The following CHCHD6 variants were observed in gnomAD, a reference collection of about 807,000 sequenced individuals.
CHCHD6 encodes the protein coiled-coil-helix-coiled-coil-helix domain containing 6.
Under a neutral mutation model 32.3 loss-of-function variants are expected in CHCHD6, and 28 were observed. The observed-to-expected ratio is 0.87, with a 90% CI of 0.64 to 1.19. The LOEUF is 1.19. Among genes scored for constraint, CHCHD6 ranks in the 50% most tolerant of loss-of-function variants. CHCHD6 has a pLI of 0.00. For synonymous variants in CHCHD6, 122 were observed against 117.5 expected (o/e 1.04, Z -0.25); for missense variants, 333 against 307.0 (o/e 1.08, Z -0.63).
chr3:126,722,006 T>C (rs1231816377), intron 1 of CHCHD6, among the ~76,000 whole-genome samples: 1 of 152,236 alleles, frequency 6.6e-6, no homozygotes, highest in Admixed American at 6.5e-5. Context: ...TGATGAACAT[T>C]TGGGTCCTTT....
rs117681236 is a variant in CHCHD6 at position 126,869,883 on chromosome 3, G to A, written c.495+17153G>A. On this transcript the variant is annotated intron_variant, in intron 5 of 7. Coordinates refer to ENST00000290913, the MANE Select transcript of CHCHD6 (RefSeq NM_032343.3). The stretch of plus-strand genomic sequence containing the variant: ...TCTGTACTTATTTATTACCAATTAA[G>A]CAGTCACATTCATTGCTTTCTGAAA... Among the ~76,000 whole-genome samples, 80 of 152,260 alleles carry A rather than the reference G, an allele frequency of 5.3e-4. No homozygotes were observed. In the East Asian group the frequency reaches 0.014, roughly 28 times the overall value.
At chr3:126,717,646 C>CT (rs1357487009) in intron 1 of CHCHD6, among the ~76,000 whole-genome samples, 1 of 152,174 alleles carries the variant, frequency 6.6e-6, no homozygotes, top group Non-Finnish European at 1.5e-5. Context: ...GAACTTGCCT[C>CT]TAAGTTCACA....
At position 126,899,844 on chromosome 3, in the gene CHCHD6, C is replaced by A. The variant is rs367756657; in HGVS notation, c.496-14836C>A. On this transcript the variant is annotated intron_variant, in intron 5 of 7. Transcript: ENST00000290913. ...AGGCAGAGCCAGGAGATGGAAATCA[C>A]CAAATTTGTGGTGACCTCATCTAGC... is the stretch of plus-strand genomic sequence containing the variant. Among the ~76,000 whole-genome samples, 42 of 152,292 alleles carry A rather than the reference C, an allele frequency of 2.8e-4. 1 individual carries two copies. The South Asian group carries it at 8.5e-3, about 31-fold the overall frequency.
At position 126,885,076 on chromosome 3, in the gene CHCHD6, G is replaced by A. The variant is rs770487617; in HGVS notation, c.496-29604G>A. On this transcript the variant is annotated intron_variant, in intron 5 of 7. Coordinates refer to ENST00000290913, the MANE Select transcript of CHCHD6 (RefSeq NM_032343.3). ...GGCACTGGTGTCAGGGGGCAAGTGT[G>A]TAGAAAGCCAGTTCTGAGACTCCCA... Among the ~76,000 whole-genome samples, 17 of 152,182 alleles carry A rather than the reference G, an allele frequency of 1.1e-4. 1 individual carries two copies. Among genetic ancestry groups the A allele is most frequent in the Admixed American group, 9.2e-4 (14 of 15,276 alleles).
chr3:126,766,298 C>T (rs1429890375), intron 4 of CHCHD6: 3 of 352,626 alleles, frequency 8.5e-6, no homozygotes, highest in Non-Finnish European at 1.6e-5. Flanking sequence ...AAAATGGAAT[C>T]TTATGGAGTC....
intron 6 of CHCHD6, chr3:126,935,235 G>C (rs749376293): frequency 1.3e-6 from 1 of 786,202 alleles, no homozygotes; most frequent in Non-Finnish European, 1.5e-6. Flanking sequence ...AGGGCTCAGT[G>C]TATCCCAGAT....
intron 1 of CHCHD6, among the ~76,000 whole-genome samples, chr3:126,722,488 G>C (rs993518753): frequency 1.1e-4 from 17 of 152,116 alleles, no homozygotes; most frequent in African/African-American, 2.9e-4. Flanking sequence ...TTTAATTATA[G>C]CCATCCTCGT....
At chr3:126,812,103 G>GT (rs61450073) in intron 4 of CHCHD6, among the ~76,000 whole-genome samples, 2,084 of 142,702 alleles carry the variant, frequency 0.015, 21 homozygotes, top group Middle Eastern at 0.054. Flanking sequence ...ATCTGTGCAG[G>GT]TTTTTTTTTT....
intron 4 of CHCHD6, among the ~76,000 whole-genome samples, chr3:126,812,223 G>C (rs1939685341): frequency 6.6e-6 from 1 of 150,752 alleles, no homozygotes; most frequent in African/African-American, 2.4e-5. Context: ...CCACTTTTCT[G>C]AGGGCCTCAA....
At chr3:126,951,067 A>G (rs2078708607) in intron 6 of CHCHD6, among the ~76,000 whole-genome samples, 1 of 152,164 alleles carries the variant, frequency 6.6e-6, no homozygotes, top group African/African-American at 2.4e-5. Context: ...CCCACGTGTC[A>G]AGGAAGGAAG....
At chr3:126,761,298 T>C (rs954390276) in intron 4 of CHCHD6, among the ~76,000 whole-genome samples, 3 of 152,212 alleles carry the variant, frequency 2.0e-5, no homozygotes, top group African/African-American at 4.8e-5. Context: ...CTTCTCCACA[T>C]CTTTGTCTCT....
intron 4 of CHCHD6, among the ~76,000 whole-genome samples, chr3:126,740,394 C>G (rs1936243102): frequency 6.6e-6 from 1 of 152,132 alleles, no homozygotes; most frequent in African/African-American, 2.4e-5. Context: ...TCATTCAGTT[C>G]TCCTGCTTTA....
intron 5 of CHCHD6, among the ~76,000 whole-genome samples, chr3:126,893,680 A>G (rs566363481): frequency 3.9e-5 from 6 of 152,332 alleles, no homozygotes; most frequent in African/African-American, 1.4e-4. Flanking sequence ...CTACCTGGGG[A>G]GAAACACTGA....
intron 4 of CHCHD6, among the ~76,000 whole-genome samples, chr3:126,807,197 A>G (rs972268250): frequency 7.1e-6 from 1 of 139,894 alleles, no homozygotes; most frequent in Non-Finnish European, 1.5e-5. Context: ...TTAAAGTATA[A>G]AAAAAAAAAA....
intron 4 of CHCHD6, among the ~76,000 whole-genome samples, chr3:126,847,204 G>T (rs9866669): frequency 0.033 from 5,027 of 152,214 alleles, 276 homozygotes; most frequent in African/African-American, 0.11. Context: ...CTAAGGTCTT[G>T]TAGTCAAGGT....
intron 6 of CHCHD6, among the ~76,000 whole-genome samples, chr3:126,942,894 G>A (rs2078580777): frequency 6.6e-6 from 1 of 152,214 alleles, no homozygotes; most frequent in Non-Finnish European, 1.5e-5. Flanking sequence ...GTGCATGCGT[G>A]AGGACTGCCA....
At chr3:126,922,548 A>G (rs575837530) in intron 6 of CHCHD6, among the ~76,000 whole-genome samples, 2 of 152,316 alleles carry the variant, frequency 1.3e-5, no homozygotes, top group African/African-American at 4.8e-5. Context: ...GGGGGCATTC[A>G]GCTGCTTGCT....
intron 6 of CHCHD6, among the ~76,000 whole-genome samples, chr3:126,936,988 C>G (rs888914424): frequency 3.3e-5 from 5 of 152,250 alleles, no homozygotes; most frequent in Non-Finnish European, 5.9e-5. Context: ...TAGCATCCCG[C>G]CACCTCACAT....
At chr3:126,859,540 A>G (rs1941782707) in intron 5 of CHCHD6, among the ~76,000 whole-genome samples, 1 of 152,252 alleles carries the variant, frequency 6.6e-6, no homozygotes, top group Admixed American at 6.5e-5. Flanking sequence ...TGTGTCCTAC[A>G]GAATGACAGT....
Sources: allele counts gnomAD v4.1 joint callset (sites outside exome capture counted in the v4.1 genomes callset), GRCh38; gene constraint gnomAD v4.1.1; transcripts MANE v1.5; gene names NCBI Gene and HGNC (gene_info 2026-07-23, HGNC 2026-07-21).